Variants in CADPS observed in about 807,000 individuals in gnomAD.
The protein encoded by CADPS is calcium dependent secretion activator.
CADPS carries 57 observed loss-of-function variants against 167.3 expected under a neutral mutation model. The ratio of observed to expected loss-of-function variants is 0.34; its 90% CI spans 0.28 to 0.42. The LOEUF (loss-of-function observed/expected upper bound fraction) is 0.42. Among genes scored for constraint, CADPS ranks in the 20% least tolerant of loss-of-function variants. The pLI is 1.00. For synonymous variants in CADPS, 676 were observed against 635.3 expected (o/e 1.06, Z -0.96); for missense variants, 1,414 against 1,738.1 (o/e 0.81, Z 3.32).
intron 1 of CADPS, chr3:62,779,746 T>C (rs1210399702): frequency 2.1e-4 from 73 of 348,888 alleles, no homozygotes; most frequent in South Asian, 1.7e-3. Context: ...CCAAGGAAGA[T>C]GTAGGTTACC....
chr3:62,718,260 T>G (rs1045324389), intron 3 of CADPS, among the ~76,000 whole-genome samples: 13 of 152,184 alleles, frequency 8.5e-5, no homozygotes, highest in African/African-American at 3.1e-4. Context: ...TTGTAGGTGC[T>G]CAGTACATGA....
chr3:62,854,862 T>A (rs1465777600), intron 1 of CADPS, among the ~76,000 whole-genome samples: 1 of 152,174 alleles, frequency 6.6e-6, no homozygotes, highest in Non-Finnish European at 1.5e-5. Context: ...TTATATTTCA[T>A]ATATTTTTAT....
chr3:62,667,966 C>G (rs1020925297), intron 3 of CADPS, among the ~76,000 whole-genome samples: 2 of 152,122 alleles, frequency 1.3e-5, no homozygotes, highest in African/African-American at 4.8e-5. Context: ...GGAGAATTGG[C>G]CTTGACAGTG....
At position 62,602,247 on chromosome 3, in the gene CADPS, TGTGCAGGTTG is replaced by T. The variant is rs1311224763; in HGVS notation, c.1326-9509_1326-9500del. Among the ~76,000 whole-genome samples the T allele has an allele frequency of 1.7e-5, 2 of 119,076 alleles. No homozygotes were observed. The highest frequency in any genetic ancestry group is 6.4e-5 in the African/African-American group (2 of 31,184). 78.1% of individuals were successfully genotyped at this position (119,076 alleles called of 152,430 possible). The stretch of plus-strand genomic sequence containing the variant: ...TAAGGACCCTTGGAGAATTGGATTT[TGTGCAGGTTG>T]GTGCTGGGGTCGGGGGTGGGGGGAT... On this transcript the variant is annotated intron_variant, in intron 6 of 29. Coordinates refer to ENST00000383710, the MANE Select transcript of CADPS (RefSeq NM_003716.4). This position sits in a 1 kb window ranked among gnomAD's most constrained non-coding sequence, Gnocchi z 4.4.
intron 28 of CADPS, among the ~76,000 whole-genome samples, chr3:62,417,273 ACTCTTTTTTTTTTTTTT>A (rs1372473182): frequency 5.8e-5 from 3 of 51,534 alleles, no homozygotes; most frequent in Non-Finnish European, 1.1e-4. Context: ...TTTTTCTTTT[ACTCTTTTTTTTTTTTTT>A]TTTTTTTTTT....
intron 3 of CADPS, among the ~76,000 whole-genome samples, chr3:62,689,887 C>T (rs536880859): frequency 9.9e-5 from 15 of 152,034 alleles, no homozygotes; most frequent in African/African-American, 3.6e-4. Context: ...GGCGTTCTAG[C>T]AGGAGAAAAC....
chr3:62,710,400 A>AT (rs2151781001), intron 3 of CADPS, among the ~76,000 whole-genome samples: 1 of 150,070 alleles, frequency 6.7e-6, no homozygotes, highest in East Asian at 2.0e-4. Flanking sequence ...TTGAGATATA[A>AT]TTAAAAAAAA....
intron 1 of CADPS, chr3:62,779,552 C>T: frequency 1.9e-6 from 1 of 533,950 alleles, no homozygotes. Flanking sequence ...TATTGTCTGC[C>T]CTCTGCCAGG....
At chr3:62,449,231 T>G (rs1265051941) in intron 26 of CADPS, among the ~76,000 whole-genome samples, 3 of 152,192 alleles carry the variant, frequency 2.0e-5, no homozygotes, top group African/African-American at 7.2e-5. Flanking sequence ...CTGGAGAAGC[T>G]CAAACAGAGG....
chr3:62,626,394 G>C, intron 6 of CADPS: 1 of 571,644 alleles, frequency 1.7e-6, no homozygotes, highest in Non-Finnish European at 3.2e-6. Context: ...CACCCAAAAG[G>C]ATGAGTGTAA....
At position 62,602,285 on chromosome 3, in the gene CADPS, CATT is replaced by C. The variant is rs1256802064; in HGVS notation, c.1326-9540_1326-9538del. On this transcript the variant is annotated intron_variant, in intron 6 of 29. Transcript: ENST00000383710. The surrounding 1 kb of genome is among the most constrained non-coding windows in gnomAD (Gnocchi z 4.4). ...GCTGGGGTCGGGGGTGGGGGGATGT[CATT>C]AGTTGCCATGGTGATGCTCAGCATA... 2.0e-5 allele frequency among the ~76,000 whole-genome samples: 3 copies of C among 151,634 alleles called. No homozygotes were observed. Among genetic ancestry groups the C allele is most frequent in the African/African-American group, 7.3e-5 (3 of 41,236 alleles).
chr3:62,713,001 T>C (rs1368868014), intron 3 of CADPS, among the ~76,000 whole-genome samples: 3 of 152,206 alleles, frequency 2.0e-5, no homozygotes, highest in Non-Finnish European at 4.4e-5. Flanking sequence ...ATCAGGACTT[T>C]CTCATGGTGA....
intron 22 of CADPS, among the ~76,000 whole-genome samples, chr3:62,480,862 G>T (rs186075279): frequency 3.2e-4 from 48 of 152,150 alleles, no homozygotes; most frequent in Admixed American, 1.3e-3. Context: ...AGAATTTAGG[G>T]GTGCTCGATC....
chr3:62,784,413 CT>C (rs1011379820), intron 1 of CADPS, among the ~76,000 whole-genome samples: 14 of 152,138 alleles, frequency 9.2e-5, no homozygotes, highest in African/African-American at 3.4e-4. Flanking sequence ...TCTTTATAGG[CT>C]TTTTCCAGCT....
chr3:62,685,910 AC>A lies in CADPS; in HGVS notation c.889-23517del, dbSNP rs1203988627. Among the ~76,000 whole-genome samples, 3 of 152,094 alleles carry A rather than the reference AC, an allele frequency of 2.0e-5. No homozygotes were observed. The East Asian group carries it at 5.8e-4, about 29-fold the overall frequency. On this transcript the variant is annotated intron_variant, in intron 3 of 29. Coordinates refer to ENST00000383710, the MANE Select transcript of CADPS (RefSeq NM_003716.4). ...CCTGACTGTGGCCTGGGGGTTAGGG[AC>A]CCCTGTTTTATAGCACTATAGGATG...
intron 1 of CADPS, among the ~76,000 whole-genome samples, chr3:62,857,348 A>G (rs749468564): frequency 3.3e-5 from 5 of 152,090 alleles, no homozygotes; most frequent in Non-Finnish European, 7.4e-5. Flanking sequence ...ATGCTTTGGA[A>G]ATTGGTAACA....
intron 6 of CADPS, among the ~76,000 whole-genome samples, chr3:62,635,447 C>T (rs144646463): frequency 6.6e-6 from 1 of 152,148 alleles, no homozygotes; most frequent in East Asian, 1.9e-4. Flanking sequence ...AAAAACAACA[C>T]CCTGTCATTA....
At chr3:62,796,882 C>T (rs552329447) in intron 1 of CADPS, among the ~76,000 whole-genome samples, 22 of 152,292 alleles carry the variant, frequency 1.4e-4, no homozygotes, top group African/African-American at 5.1e-4. Flanking sequence ...CAAATCATTG[C>T]TATGAAAACA....
At chr3:62,400,585 CTTTCTTTTTTTT>C (rs1189727411) in intron 29 of CADPS, among the ~76,000 whole-genome samples, 14 of 120,856 alleles carry the variant, frequency 1.2e-4, no homozygotes, top group East Asian at 4.6e-4. Flanking sequence ...TCCCATCATT[CTTTCTTTTTTTT>C]TTTCTTTTTT....
Sources: gnomAD v4.1 joint callset for allele counts (sites outside exome capture counted in the v4.1 genomes callset) on GRCh38, gnomAD v4.1.1 for gene constraint, Gnocchi (gnomAD v3.1) non-coding constraint, MANE v1.5 for transcripts, NCBI Gene and HGNC (gene_info 2026-07-23, HGNC 2026-07-21) for gene names.